ATP10B: variants seen among roughly 807,000 people sequenced by gnomAD.
ATP10B encodes ATPase phospholipid transporting 10B (putative).
ATP10B carries 122 observed loss-of-function variants against 141.2 expected under a neutral mutation model. The ratio of observed to expected loss-of-function variants is 0.86; its 90% CI spans 0.75 to 1.00. The LOEUF (loss-of-function observed/expected upper bound fraction) is 1.00, where lower values mean the gene tolerates loss of function less well. ATP10B is among the 50% of genes least tolerant of loss of function. The probability of loss-of-function intolerance (pLI) is 0.00; values close to 1 mark genes in which losing one functional copy is unlikely to be tolerated. For synonymous variants in ATP10B, 685 were observed against 692.0 expected (o/e 0.99, Z 0.16); for missense variants, 1,876 against 1,825.3 (o/e 1.03, Z -0.51).
rs570566119 is a variant in ATP10B, at chr5:160,842,683, AT to A, written c.-576+9257del. 4.0e-3 allele frequency among the ~76,000 whole-genome samples: 603 copies of A among 152,116 alleles called. 4 individuals are homozygous for A. Among genetic ancestry groups the A allele is most frequent in the African/African-American group, 0.014 (582 of 41,576 alleles). ...TTTGTATCAATAAATTTAAAAATTT[AT>A]TTAATAATAATTCTTCTAGGATATA... On this transcript the variant is annotated intron_variant, in intron 1 of 25. Coordinates refer to ENST00000327245, the MANE Select transcript of ATP10B (RefSeq NM_025153.3).
At chr5:160,595,115 T>C (rs1440624057) in intron 22 of ATP10B, among the ~76,000 whole-genome samples, 1 of 152,198 alleles carries the variant, frequency 6.6e-6, no homozygotes, top group African/African-American at 2.4e-5. Context: ...ATCACACTTA[T>C]TCCAAAACTG....
At chr5:160,649,053 C>A (rs1194902642) in intron 8 of ATP10B, 118 bp downstream of exon 8, 2 of 634,104 alleles carry the variant, frequency 3.2e-6, no homozygotes, top group South Asian at 2.8e-5. Context: ...CTTTATCACA[C>A]ACACACAAAT....
intron 6 of ATP10B, among the ~76,000 whole-genome samples, chr5:160,681,361 T>G (rs1287797617): frequency 6.6e-6 from 1 of 152,260 alleles, no homozygotes; most frequent in Non-Finnish European, 1.5e-5. Context: ...TCTATATGTT[T>G]AAATGACTTT....
chr5:160,730,328 C>T (rs777293699), intron 2 of ATP10B, among the ~76,000 whole-genome samples: 1 of 152,134 alleles, frequency 6.6e-6, no homozygotes, highest in Non-Finnish European at 1.5e-5. Flanking sequence ...TACCTGCTGT[C>T]TCATTTCATT....
At chr5:160,805,347 A>G (rs1772700050) in intron 1 of ATP10B, among the ~76,000 whole-genome samples, 1 of 152,222 alleles carries the variant, frequency 6.6e-6, no homozygotes, top group Non-Finnish European at 1.5e-5. Flanking sequence ...TCCACATTAA[A>G]CAATCACTTG....
intron 11 of ATP10B, among the ~76,000 whole-genome samples, chr5:160,635,803 A>C (rs1218586333): frequency 1.3e-5 from 2 of 151,986 alleles, no homozygotes; most frequent in African/African-American, 2.4e-5. Context: ...TCTCTCTCTC[A>C]ATGTTGGGGC....
chr5:160,604,084 G>T (rs1395038124), intron 19 of ATP10B, 43 bp from the exon 20 acceptor site: 4 of 1,476,780 alleles, frequency 2.7e-6, no homozygotes, highest in Non-Finnish European at 2.8e-6. Context: ...TGGTCCAACT[G>T]CTCAGTGACA....
At chr5:160,835,079 C>T (rs925234108) in intron 1 of ATP10B, among the ~76,000 whole-genome samples, 1 of 151,870 alleles carries the variant, frequency 6.6e-6, no homozygotes, top group Admixed American at 6.6e-5. Context: ...AACACATGCT[C>T]AGTGGGAGAA....
chr5:160,576,267 C>G (rs1217753582), intron 24 of ATP10B, among the ~76,000 whole-genome samples: 2 of 152,150 alleles, frequency 1.3e-5, no homozygotes, highest in Non-Finnish European at 2.9e-5. Flanking sequence ...AGATTTACTA[C>G]AGGGACTAGA....
intron 2 of ATP10B, among the ~76,000 whole-genome samples, chr5:160,783,897 T>C (rs892298780): frequency 2.0e-5 from 3 of 152,094 alleles, no homozygotes; most frequent in African/African-American, 7.2e-5. Flanking sequence ...CCAACATTTA[T>C]TGTTTTTTCA....
At chr5:160,870,970 C>T in the ATP10B span, among the ~76,000 whole-genome samples, 1 of 16,746 alleles carries the variant, frequency 6.0e-5, no homozygotes, top group South Asian at 2.7e-3. Flanking sequence ...CAATTCTGTA[C>T]TTTTTGAAAT....
At chr5:160,695,889 A>G (rs1764328563) in intron 3 of ATP10B, among the ~76,000 whole-genome samples, 1 of 151,494 alleles carries the variant, frequency 6.6e-6, no homozygotes, top group African/African-American at 2.4e-5. Flanking sequence ...AAATCGCAGG[A>G]AAAAAAAAGA....
intron 2 of ATP10B, among the ~76,000 whole-genome samples, chr5:160,730,054 ATTC>A (rs1766629762): frequency 6.6e-6 from 1 of 152,152 alleles, no homozygotes; most frequent in South Asian, 2.1e-4. Flanking sequence ...GCAACTGTAA[ATTC>A]TTCTTCCAAG....
At chr5:160,644,115 A>G in intron 9 of ATP10B, 23 bp downstream of exon 9, 1 of 1,603,528 alleles carries the variant, frequency 6.2e-7, no homozygotes, top group Non-Finnish European at 8.5e-7. Flanking sequence ...AATTCAGACA[A>G]AAGAAACTAC....
the ATP10B span, among the ~76,000 whole-genome samples, chr5:160,871,112 C>G: frequency 6.7e-6 from 1 of 148,446 alleles, no homozygotes; most frequent in Non-Finnish European, 1.5e-5. Flanking sequence ...AAACTTGAAT[C>G]TTCATAGAGA....
chr5:160,722,209 G>T (rs949165645), intron 2 of ATP10B, among the ~76,000 whole-genome samples: 8 of 152,142 alleles, frequency 5.3e-5, no homozygotes, highest in African/African-American at 1.4e-4. Context: ...ATTAAAATTT[G>T]TGTTTATACT....
chr5:160,597,323 G>C (rs1367170978), intron 22 of ATP10B, among the ~76,000 whole-genome samples: 1 of 152,162 alleles, frequency 6.6e-6, no homozygotes, highest in Non-Finnish European at 1.5e-5. Flanking sequence ...AAATGGTGCT[G>C]GGAAAACTGG....
chr5:160,914,934 T>C, the ATP10B span, among the ~76,000 whole-genome samples: 1 of 152,176 alleles, frequency 6.6e-6, no homozygotes, highest in African/African-American at 2.4e-5. Flanking sequence ...TTGTGGCAGA[T>C]ATTTTGTAAA....
intron 13 of ATP10B, among the ~76,000 whole-genome samples, chr5:160,626,272 T>G (rs7730932): frequency 6.6e-6 from 1 of 152,126 alleles, no homozygotes; most frequent in Non-Finnish European, 1.5e-5. Context: ...TTGTAGACCA[T>G]CTAAAATGCA....
Sources: gnomAD v4.1 joint callset for allele counts (sites outside exome capture counted in the v4.1 genomes callset) on GRCh38, gnomAD v4.1.1 for gene constraint, MANE v1.5 for transcripts, NCBI Gene and HGNC (gene_info 2026-07-23, HGNC 2026-07-21) for gene names.